COL18A1: variants seen among roughly 807,000 people sequenced by gnomAD.
COL18A1 encodes the protein collagen alpha-1(XVIII) chain.
In COL18A1, 133 loss-of-function variants were observed where a neutral mutation model predicts 168.0. The ratio of observed to expected loss-of-function variants is 0.79; its 90% CI spans 0.69 to 0.91. The LOEUF is 0.91. COL18A1 is among the 40% of genes least tolerant of loss of function. The pLI is 0.00. For missense variants in COL18A1, 2,126 were observed against 1,925.4 expected, an observed-to-expected ratio of 1.10 and a Z score of -1.95; for synonymous variants, 949 against 809.0, an observed-to-expected ratio of 1.17 and a Z score of -2.94.
chr21:45,446,475 A>C (rs1472008773), intron 2 of COL18A1, among the ~76,000 whole-genome samples: 2 of 152,270 alleles, frequency 1.3e-5, no homozygotes, highest in African/African-American at 4.8e-5. Flanking sequence ...GACAATGTGA[A>C]TAGATATATA....
intron 2 of COL18A1, among the ~76,000 whole-genome samples, chr21:45,428,371 G>A (rs893130167): frequency 5.3e-5 from 8 of 152,210 alleles, no homozygotes; most frequent in Non-Finnish European, 7.3e-5. Context: ...TCTGGGATCA[G>A]GAGACTTCAG....
intron 2 of COL18A1, among the ~76,000 whole-genome samples, chr21:45,434,241 AGG>A (rs1171888590): frequency 2.6e-5 from 4 of 152,158 alleles, no homozygotes; most frequent in African/African-American, 9.7e-5. Context: ...GGGTTGTGGC[AGG>A]GCAGGACAGA....
intron 32 of COL18A1, 137 bp downstream of exon 32, chr21:45,497,798 G>A (rs2036592911): frequency 1.6e-6 from 2 of 1,252,302 alleles, no homozygotes; most frequent in South Asian, 1.3e-5. Flanking sequence ...CGGGAGGAAG[G>A]AAGCCCCTTC....
intron 2 of COL18A1, among the ~76,000 whole-genome samples, chr21:45,432,914 A>G (rs1248293974): frequency 6.6e-6 from 1 of 152,228 alleles, no homozygotes; most frequent in Non-Finnish European, 1.5e-5. Context: ...TGCCTGTGCC[A>G]ACCCCTCCGG....
rs370249979 is a variant in COL18A1 at position 45,476,498 on chromosome 21, T to C, written c.928+18T>C. On this transcript the variant is annotated intron_variant, in intron 6 of 41. Coordinates refer to ENST00000651438, the MANE Select transcript of COL18A1 (RefSeq NM_001379500.1). ...GTTAGGAGGTAAGCTCTTTTCTGGA[T>C]GTGGTGTGTGTGTGGTGTGGGGTGT... The C allele has an allele frequency of 1.3e-6, 2 of 1,581,766 alleles. No individual in the cohort carries two copies. The highest frequency in any genetic ancestry group is 1.7e-6 in the Non-Finnish European group (2 of 1,163,256).
In COL18A1 at chr21:45,491,283, C is replaced by T. The variant is rs760585290; in HGVS notation, c.2126C>T (p.Pro709Leu). Reference protein sequence around the residue: ...QPGLPGPPGPPGPVVYVSEQD... With the variant: ...QPGLPGPPGPLGPVVYVSEQD... ...GGCCTCCCTGGCCCCCCCGGACCCCCGGGACCTGTGGTCTACGTGTCGGAG... is the reference window on the plus strand; with the variant it reads ...GGCCTCCCTGGCCCCCCCGGACCCCTGGGACCTGTGGTCTACGTGTCGGAG... Residue 709 changes from proline to leucine, a missense_variant, in exon 22 of 42, where the codon CCG becomes CTG. Physicochemically the swap from Pro to Leu is moderately conservative, Grantham distance 98. Coordinates refer to ENST00000651438, the MANE Select transcript of COL18A1 (RefSeq NM_001379500.1). The T allele has an allele frequency of 1.2e-5, 19 of 1,612,126 alleles. No homozygotes were observed. The highest frequency in any genetic ancestry group is 2.7e-5 in the African/African-American group (2 of 74,894).
chr21:45,426,331 C>T (rs1202288380), intron 2 of COL18A1, among the ~76,000 whole-genome samples: 1 of 152,188 alleles, frequency 6.6e-6, no homozygotes, highest in African/African-American at 2.4e-5. Context: ...TCTCGAACTC[C>T]TGACCTCAGG....
chr21:45,442,857 CCTGGTGTGGGCGGTGGTGGTG>C (rs1359651037), intron 2 of COL18A1, among the ~76,000 whole-genome samples: 2 of 93,024 alleles, frequency 2.1e-5, no homozygotes, highest in South Asian at 3.6e-4. Context: ...GGGCGGAGGT[CCTGGTGTGGGCGGTGGTGGTG>C]CTGGTGTGGG....
Position 45,498,382 on chromosome 21 carries a change from G to A in COL18A1, c.2683+721G>A, listed in dbSNP as rs372126681. 75 of 654,946 alleles carry A rather than the reference G, an allele frequency of 1.1e-4. No homozygotes were observed. The highest frequency in any genetic ancestry group is 3.7e-4 in the Middle Eastern group (1 of 2,676). The allele number at this position is 654,946 out of a possible 1,614,324, so 40.6% of individuals were successfully genotyped here. On this transcript the variant is annotated intron_variant, in intron 32 of 41. Transcript: ENST00000651438. The surrounding 1 kb of genome is among the most constrained non-coding windows in gnomAD (Gnocchi z 4.5). ...CCTCTCGCCACCACGGTCCCCTCTC[G>A]CCGCCAGGGTCCCCTCTCGCCGCCA...
Position 45,510,053 on chromosome 21 carries a change from T to C in COL18A1, c.3496-11T>C, listed in dbSNP as rs1305859272. The C allele has an allele frequency of 6.5e-7, 1 of 1,550,226 alleles. No homozygotes were observed. The highest frequency in any genetic ancestry group is 1.2e-5 in the South Asian group (1 of 85,076). On this transcript the variant is annotated splice_polypyrimidine_tract_variant and intron_variant, in intron 39 of 41. Coordinates refer to ENST00000651438, the MANE Select transcript of COL18A1 (RefSeq NM_001379500.1). ...TGGGACACAGCCCGTGACGCGCCCC[T>C]CTCCCCGCAGCTCCACCTGGTTGCG...
intron 14 of COL18A1, among the ~76,000 whole-genome samples, 174 bp from the exon 15 acceptor site, chr21:45,482,621 A>G (rs983098193): frequency 7.9e-5 from 12 of 152,144 alleles, no homozygotes; most frequent in African/African-American, 2.4e-4. Context: ...CAGGACCCCA[A>G]CCACACCAGA....
Position 45,495,586 on chromosome 21 carries a change from ACAGT to A in COL18A1, c.2508+157_2508+160del, listed in dbSNP as rs1388059599. 1.4e-5 allele frequency: 9 copies of A among 630,590 alleles called. No homozygotes were observed. In the African/African-American group the frequency reaches 1.9e-4, roughly 14 times the overall value. The allele number at this position is 630,590 out of a possible 1,614,324, so 39.1% of individuals were successfully genotyped here. ...AGCACTGGTCATGCCATACCCATGC[ACAGT>A]CATACATGTCCACACACGCACACGT... On this transcript the variant is annotated intron_variant, in intron 29 of 41. Transcript: ENST00000651438.
rs757881399 is a variant in COL18A1 at position 45,425,457 on chromosome 21, C to T, written c.106+19984C>T. ...GTGTGCATGGAGGTGGACCCCCTGC[C>T]TCACCCTCGGGTGGCCCAAGGCCTC... On this transcript the variant is annotated intron_variant, in intron 2 of 41. Transcript: ENST00000651438. This position sits in a 1 kb window ranked among gnomAD's most constrained non-coding sequence, Gnocchi z 4.1. Among the ~76,000 whole-genome samples the T allele has an allele frequency of 7.9e-5, 12 of 152,184 alleles. No individual in the cohort carries two copies. Among genetic ancestry groups the T allele is most frequent in the Non-Finnish European group, 1.6e-4 (11 of 68,024 alleles).
chr21:45,435,781 C>T (rs995643968), intron 2 of COL18A1, among the ~76,000 whole-genome samples: 2 of 152,126 alleles, frequency 1.3e-5, no homozygotes, highest in Non-Finnish European at 2.9e-5. Flanking sequence ...TGGACGTCCC[C>T]CCGGCGCTCC....
In COL18A1 at chr21:45,511,128, C is replaced by G; in HGVS notation, c.3711C>G (p.Pro1237=). 1 of 1,585,276 alleles carries G rather than the reference C, an allele frequency of 6.3e-7. No homozygotes were observed. Among genetic ancestry groups the G allele is most frequent in the Non-Finnish European group, 8.6e-7 (1 of 1,164,720 alleles). The change falls in exon 41 of 42, where the codon CCC becomes CCG. Residue 1237 remains proline (P), a synonymous_variant. Coordinates refer to ENST00000651438, the MANE Select transcript of COL18A1 (RefSeq NM_001379500.1). ...TCTTCCAGGACGAGCTGCTGTTTCC[C>G]AGCTGGGAGGCTCTGTTCTCAGGCT... ...IVNLKDELLF[P]SWEALFSGSE...
At chr21:45,415,858 A>G (rs1464150513) in intron 2 of COL18A1, among the ~76,000 whole-genome samples, 2 of 152,208 alleles carry the variant, frequency 1.3e-5, no homozygotes, top group Non-Finnish European at 1.5e-5. Context: ...TTTCATAAAG[A>G]AAAGCTGACC....
intron 3 of COL18A1, among the ~76,000 whole-genome samples, chr21:45,470,449 C>CTTTTTTTT (rs2035372720): frequency 2.3e-5 from 1 of 43,922 alleles, no homozygotes; most frequent in African/African-American, 9.3e-5. Flanking sequence ...TTTTTTTTGA[C>CTTTTTTTT]TATTGGGATT....
intron 2 of COL18A1, chr21:45,408,120 G>A (rs1180232445): frequency 1.3e-5 from 2 of 152,276 alleles, no homozygotes; most frequent in African/African-American, 4.8e-5. Context: ...AAGCAGAGCA[G>A]GGGAAGTCCT....
intron 2 of COL18A1, among the ~76,000 whole-genome samples, chr21:45,460,358 C>T (rs2035000431): frequency 6.6e-6 from 1 of 152,212 alleles, no homozygotes; most frequent in South Asian, 2.1e-4. Flanking sequence ...CAGGTCCACA[C>T]ACACGCCGGC....
Sources: allele counts gnomAD v4.1 joint callset (sites outside exome capture counted in the v4.1 genomes callset), GRCh38; gene constraint gnomAD v4.1.1; non-coding constraint Gnocchi (gnomAD v3.1); transcripts MANE v1.5; gene names NCBI Gene and HGNC (gene_info 2026-07-23, HGNC 2026-07-21).